The following APLF variants were observed in gnomAD, a reference collection of about 807,000 sequenced individuals.
APLF encodes the protein aprataxin and PNKP like factor.
A neutral mutation model predicts 55.6 loss-of-function variants in APLF; 61 were observed. That is an observed-to-expected ratio of 1.10 (90% CI 0.89 to 1.36). APLF has a LOEUF of 1.36. Among genes scored for constraint, APLF ranks in the 40% most tolerant of loss-of-function variants. The pLI is 0.00. For missense variants in APLF, 611 were observed against 602.5 expected (o/e 1.01, Z -0.15); for synonymous variants, 207 against 214.8 (o/e 0.96, Z 0.32).
At chr2:68,494,060 A>G (rs1676457955) in intron 2 of APLF, among the ~76,000 whole-genome samples, 1 of 151,238 alleles carries the variant, frequency 6.6e-6, no homozygotes. Context: ...GTGAGCTGAG[A>G]CCACACCACT....
chr2:68,497,195 G>A (rs1676574950), intron 2 of APLF, among the ~76,000 whole-genome samples: 1 of 152,082 alleles, frequency 6.6e-6, no homozygotes, highest in African/African-American at 2.4e-5. Flanking sequence ...TTACAATCAT[G>A]GAAAAAGGCA....
intron 6 of APLF, among the ~76,000 whole-genome samples, chr2:68,527,880 T>A (rs184762378): frequency 6.8e-6 from 1 of 147,546 alleles, no homozygotes; most frequent in African/African-American, 2.5e-5. Context: ...GCAGAGGCGC[T>A]TCTCACTTCC....
chr2:68,547,364 G>A (rs956381216), intron 8 of APLF, among the ~76,000 whole-genome samples: 9 of 151,700 alleles, frequency 5.9e-5, no homozygotes, highest in African/African-American at 2.2e-4. Flanking sequence ...CTTTTATAAA[G>A]AAATTTACAA....
intron 6 of APLF, among the ~76,000 whole-genome samples, chr2:68,533,094 G>A (rs1292233103): frequency 6.6e-6 from 1 of 151,948 alleles, no homozygotes; most frequent in Non-Finnish European, 1.5e-5. Flanking sequence ...TTGTAGAAGT[G>A]GGTTTACACT....
chr2:68,467,851 G>T lies in APLF; in HGVS notation c.96+24G>T, dbSNP rs189902245. ...GAGTAAGTGTGGGCGGGGGCTTAGC[G>T]GACCCCGAGAGCCGTGGAGTTCCGC... is the stretch of plus-strand genomic sequence containing the variant. On this transcript the variant is annotated intron_variant, in intron 1 of 9. Coordinates refer to ENST00000303795, the MANE Select transcript of APLF (RefSeq NM_173545.3). 1.2e-3 allele frequency: 1,447 copies of T among 1,230,394 alleles called. 10 individuals carry two copies. The African/African-American group carries it at 0.021, about 17-fold the overall frequency. The allele number at this position is 1,230,394 out of a possible 1,614,324, so 76.2% of individuals were successfully genotyped here.
chr2:68,572,767 A>G (rs1471120524), intron 9 of APLF, among the ~76,000 whole-genome samples: 1 of 152,206 alleles, frequency 6.6e-6, no homozygotes, highest in Non-Finnish European at 1.5e-5. Flanking sequence ...TGAGCCCAGG[A>G]TGTCAAAAAT....
intron 7 of APLF, among the ~76,000 whole-genome samples, chr2:68,541,856 A>G (rs1360696872): frequency 6.6e-6 from 1 of 152,210 alleles, no homozygotes; most frequent in Admixed American, 6.5e-5. Context: ...AGATGATCAA[A>G]GTTGGAGGTC....
intron 1 of APLF, among the ~76,000 whole-genome samples, chr2:68,475,632 C>G (rs1036254626): frequency 6.6e-6 from 1 of 152,082 alleles, no homozygotes; most frequent in Non-Finnish European, 1.5e-5. Flanking sequence ...CATAATTGCC[C>G]CTTCTTAACA....
At position 68,579,008 on chromosome 2, in the gene APLF, G is replaced by A. The variant is rs1671694475; in HGVS notation, c.*986G>A. The A allele has an allele frequency of 2.0e-6, 2 of 984,974 alleles. No individual in the cohort carries two copies. The highest frequency in any genetic ancestry group is 2.4e-6 in the Non-Finnish European group (2 of 829,602). 61.0% of individuals were successfully genotyped at this position (984,974 alleles called of 1,614,324 possible). ...TTACGTGACTTTGAATTGTTAAAAT[G>A]TAGTTTAGAATCTTTAATAACAGTT... is the stretch of plus-strand genomic sequence containing the variant. On this transcript the variant is annotated 3_prime_UTR_variant, in exon 10 of 10. Transcript: ENST00000303795.
rs1015977115 is a variant in APLF, at chr2:68,490,060, G to T, written c.97-130G>T. The T allele has an allele frequency of 6.2e-5, 33 of 528,648 alleles. No individual in the cohort carries two copies. In the South Asian group the frequency reaches 1.0e-3, roughly 17 times the overall value. 32.7% of individuals were successfully genotyped at this position (528,648 alleles called of 1,614,324 possible). On this transcript the variant is annotated intron_variant, in intron 1 of 9. Transcript: ENST00000303795. ...ACAATCATTTCAATATACAGTTGTT[G>T]AATGAATGATATATTTCATATCTAG...
At chr2:68,515,292 A>AAT (rs67524979) in intron 5 of APLF, among the ~76,000 whole-genome samples, 40,589 of 148,054 alleles carry the variant, frequency 0.27, 6,523 homozygotes, top group East Asian at 0.57. Flanking sequence ...CTTCATGTGT[A>AAT]ATATATATAT....
intron 5 of APLF, among the ~76,000 whole-genome samples, chr2:68,521,663 A>G (rs1462131149): frequency 6.6e-6 from 1 of 151,908 alleles, no homozygotes; most frequent in African/African-American, 2.4e-5. Context: ...TGGTAGATTG[A>G]AAAAGGAGCT....
chr2:68,548,500 A>G (rs1337196849), intron 8 of APLF, among the ~76,000 whole-genome samples: 2 of 151,970 alleles, frequency 1.3e-5, no homozygotes, highest in South Asian at 2.1e-4. Context: ...AATCAGGGAC[A>G]TTAGACACAC....
At chr2:68,505,472 G>A (rs1676848039) in intron 3 of APLF, among the ~76,000 whole-genome samples, 1 of 151,984 alleles carries the variant, frequency 6.6e-6, no homozygotes, top group African/African-American at 2.4e-5. Flanking sequence ...TATGGGATTA[G>A]TGAATTTTGA....
intron 1 of APLF, among the ~76,000 whole-genome samples, chr2:68,470,453 C>T (rs1203694945): frequency 6.6e-6 from 1 of 152,086 alleles, no homozygotes. Flanking sequence ...TTTTGTAAGA[C>T]GTTACCATTA....
In APLF at chr2:68,578,747, ACT is replaced by A; in HGVS notation, c.*729_*730del. ...ACTAAAGTCCTAGCTGATTATTTTA[ACT>A]CTCAGTGTGCTGTCTTTATATTAAG... is the stretch of plus-strand genomic sequence containing the variant. On this transcript the variant is annotated 3_prime_UTR_variant, in exon 10 of 10. Coordinates refer to ENST00000303795, the MANE Select transcript of APLF (RefSeq NM_173545.3). 1.0e-6 allele frequency: 1 copy of A among 985,212 alleles called. No homozygotes were observed. The highest frequency in any genetic ancestry group is 1.2e-6 in the Non-Finnish European group (1 of 829,822). 61.0% of individuals were successfully genotyped at this position (985,212 alleles called of 1,614,324 possible). A position where few individuals can be genotyped will look rare whatever the true frequency, so the allele number is the denominator to read the frequency against.
intron 1 of APLF, among the ~76,000 whole-genome samples, chr2:68,474,089 G>A (rs1675699538): frequency 6.6e-6 from 1 of 152,150 alleles, no homozygotes; most frequent in East Asian, 1.9e-4. Context: ...TTGTTATAAG[G>A]GATATGACAA....
At chr2:68,487,128 G>T (rs1300278987) in intron 1 of APLF, among the ~76,000 whole-genome samples, 1 of 152,062 alleles carries the variant, frequency 6.6e-6, no homozygotes, top group Non-Finnish European at 1.5e-5. Flanking sequence ...TTAGACTTAG[G>T]TATGCCATTA....
At chr2:68,539,522 C>T (rs1275185973) in intron 7 of APLF, among the ~76,000 whole-genome samples, 1 of 152,144 alleles carries the variant, frequency 6.6e-6, no homozygotes, top group Non-Finnish European at 1.5e-5. Flanking sequence ...CTTATGACCT[C>T]GTTTAACCTT....
Sources: gnomAD v4.1 joint callset for allele counts (sites outside exome capture counted in the v4.1 genomes callset) on GRCh38, gnomAD v4.1.1 for gene constraint, MANE v1.5 for transcripts, NCBI Gene and HGNC (gene_info 2026-07-23, HGNC 2026-07-21) for gene names.